The following DOK6 variants were observed in gnomAD, a reference collection of about 807,000 sequenced individuals.
The protein encoded by DOK6 is downstream of tyrosine kinase 6.
Under a neutral mutation model 44.0 loss-of-function variants are expected in DOK6, and 22 were observed. The observed-to-expected ratio is 0.50, with a 90% CI of 0.36 to 0.71. The LOEUF (loss-of-function observed/expected upper bound fraction) is 0.71. DOK6 is among the 30% of genes least tolerant of loss of function. The pLI is 0.00. For synonymous variants in DOK6, 166 were observed against 145.5 expected (o/e 1.14, Z -1.01); for missense variants, 340 against 416.4 (o/e 0.82, Z 1.60).
chr18:69,824,070 G>A (rs1193330645), intron 7 of DOK6, among the ~76,000 whole-genome samples: 1 of 150,576 alleles, frequency 6.6e-6, no homozygotes, highest in Non-Finnish European at 1.5e-5. Flanking sequence ...TATACTTTAA[G>A]TTTTAGGGTA....
chr18:69,593,859 A>G (rs1366382403), intron 2 of DOK6, among the ~76,000 whole-genome samples: 1 of 152,202 alleles, frequency 6.6e-6, no homozygotes, highest in Non-Finnish European at 1.5e-5. Flanking sequence ...ATGTAGTTTA[A>G]CAGTATATCA....
chr18:69,462,147 G>C (rs1390340034), intron 1 of DOK6, among the ~76,000 whole-genome samples: 1 of 152,000 alleles, frequency 6.6e-6, no homozygotes, highest in African/African-American at 2.4e-5. Flanking sequence ...TCCCCTATGT[G>C]CTTTCATGCC....
chr18:69,788,013 C>G (rs1167880135), intron 7 of DOK6, among the ~76,000 whole-genome samples: 1 of 152,144 alleles, frequency 6.6e-6, no homozygotes, highest in Non-Finnish European at 1.5e-5. Flanking sequence ...GCTGAGTCAC[C>G]AGCAGCTCTA....
At chr18:69,680,968 C>T (rs769068433) in intron 4 of DOK6, among the ~76,000 whole-genome samples, 2 of 152,204 alleles carry the variant, frequency 1.3e-5, no homozygotes, top group African/African-American at 2.4e-5. Context: ...AAGCATAACA[C>T]CTTTTAAAAT....
intron 3 of DOK6, among the ~76,000 whole-genome samples, chr18:69,601,060 C>T (rs970961204): frequency 4.6e-5 from 7 of 152,162 alleles, no homozygotes; most frequent in Admixed American, 3.3e-4. Flanking sequence ...GAATAAACTA[C>T]GCTTGAGAAT....
chr18:69,651,169 C>T (rs574206403), intron 3 of DOK6, among the ~76,000 whole-genome samples: 3 of 152,154 alleles, frequency 2.0e-5, no homozygotes, highest in Non-Finnish European at 4.4e-5. Context: ...CCGTCCTCCC[C>T]ACTTGAGCCT....
chr18:69,402,996 A>C (rs1427462776), intron 1 of DOK6, among the ~76,000 whole-genome samples: 1 of 152,144 alleles, frequency 6.6e-6, no homozygotes, highest in Non-Finnish European at 1.5e-5. Context: ...CTGGAGGTGG[A>C]AGGGAGTCGT....
intron 7 of DOK6, chr18:69,832,390 G>A (rs771994160): frequency 1.2e-4 from 18 of 152,028 alleles, no homozygotes; most frequent in Non-Finnish European, 2.1e-4. Flanking sequence ...CTTGATTAAG[G>A]TGAATGATCT....
chr18:69,657,254 GT>G (rs1258405242), intron 3 of DOK6, among the ~76,000 whole-genome samples: 1 of 152,192 alleles, frequency 6.6e-6, no homozygotes, highest in East Asian at 1.9e-4. Flanking sequence ...GCCTTTCTCT[GT>G]TAGAATATTA....
chr18:69,597,901 A>T (rs1983783342), intron 2 of DOK6, among the ~76,000 whole-genome samples: 1 of 152,234 alleles, frequency 6.6e-6, no homozygotes, highest in African/African-American at 2.4e-5. Flanking sequence ...GAATTCACAG[A>T]TTCAGAAACC....
intron 7 of DOK6, among the ~76,000 whole-genome samples, chr18:69,827,502 T>C (rs1363331810): frequency 2.0e-5 from 3 of 152,194 alleles, no homozygotes; most frequent in South Asian, 4.1e-4. Flanking sequence ...TCTTCTTTGG[T>C]AATTCATTTT....
At chr18:69,839,683 G>A (rs116871568) in intron 7 of DOK6, among the ~76,000 whole-genome samples, 1 of 152,204 alleles carries the variant, frequency 6.6e-6, no homozygotes, top group East Asian at 1.9e-4. Flanking sequence ...TCAGGCCTGC[G>A]GGCCAGGCGA....
intron 5 of DOK6, among the ~76,000 whole-genome samples, chr18:69,727,434 C>G (rs1480530328): frequency 6.6e-6 from 1 of 152,042 alleles, no homozygotes; most frequent in Non-Finnish European, 1.5e-5. Flanking sequence ...GGCTTTCTGA[C>G]AATGAAAAGA....
rs1358717089 is a variant in DOK6 at position 69,739,124 on chromosome 18, A to G, written c.738+21A>G. On this transcript the variant is annotated intron_variant, in intron 6 of 7. Coordinates refer to ENST00000382713, the MANE Select transcript of DOK6 (RefSeq NM_152721.6). Reference sequence around the variant, plus strand: ...CCCGGGTAAGGCCCCTTCCTTGGTAACCTATCAGCTTGGAAATGAATGTCA... The same window carrying G: ...CCCGGGTAAGGCCCCTTCCTTGGTAGCCTATCAGCTTGGAAATGAATGTCA... The G allele has an allele frequency of 1.9e-6, 3 of 1,612,712 alleles. No individual in the cohort carries two copies. The African/African-American group carries it at 4.0e-5, about 22-fold the overall frequency.
chr18:69,562,655 T>C (rs906695025), intron 1 of DOK6, among the ~76,000 whole-genome samples: 52 of 152,176 alleles, frequency 3.4e-4, no homozygotes, highest in Non-Finnish European at 5.9e-5. Flanking sequence ...TAATTCAAGA[T>C]GGATGAAAGA....
intron 1 of DOK6, among the ~76,000 whole-genome samples, chr18:69,431,289 CAG>C (rs1189033885): frequency 6.6e-6 from 1 of 152,168 alleles, no homozygotes; most frequent in Non-Finnish European, 1.5e-5. Context: ...TTGGAAACTA[CAG>C]AGTTGAGATA....
rs552347788 is a variant in DOK6 at position 69,827,765 on chromosome 18, A to G, written c.857-13479A>G. On this transcript the variant is annotated intron_variant, in intron 7 of 7. Coordinates refer to ENST00000382713, the MANE Select transcript of DOK6 (RefSeq NM_152721.6). ...TGCATACTGACTCCTCTGTAAATGT[A>G]CGTAACATTCAATAATTTTGTCTAT... Among the ~76,000 whole-genome samples, 4 of 152,148 alleles carry G rather than the reference A, an allele frequency of 2.6e-5. No homozygotes were observed. The South Asian group carries it at 8.3e-4, about 32-fold the overall frequency.
chr18:69,672,461 G>C (rs10451403), intron 3 of DOK6, among the ~76,000 whole-genome samples: 119,408 of 152,216 alleles, frequency 0.78, 47,303 homozygotes, highest in East Asian at 0.96. Flanking sequence ...TGTGTTCAAG[G>C]GATTCTCCTG....
chr18:69,445,233 G>C (rs774776707), intron 1 of DOK6, among the ~76,000 whole-genome samples: 8 of 152,126 alleles, frequency 5.3e-5, no homozygotes, highest in Non-Finnish European at 4.4e-5. Flanking sequence ...GGTTTTCAAA[G>C]ATTACCTATG....
Sources: gnomAD v4.1 joint callset for allele counts (sites outside exome capture counted in the v4.1 genomes callset) on GRCh38, gnomAD v4.1.1 for gene constraint, MANE v1.5 for transcripts, NCBI Gene and HGNC (gene_info 2026-07-23, HGNC 2026-07-21) for gene names.